The following EXOC6 variants were observed in gnomAD, a reference collection of about 807,000 sequenced individuals.
The protein encoded by EXOC6 is exocyst complex component 6, also known as SEC15-like 1.
In EXOC6, 60 loss-of-function variants were observed where a neutral mutation model predicts 112.5. The observed-to-expected ratio is 0.53, with a 90% CI of 0.43 to 0.66. The LOEUF (loss-of-function observed/expected upper bound fraction) is 0.66. Among genes scored for constraint, EXOC6 ranks in the 30% least tolerant of loss-of-function variants. EXOC6 has a pLI of 0.00. For synonymous variants in EXOC6, 295 were observed against 308.0 expected (o/e 0.96, Z 0.44); for missense variants, 855 against 957.1 (o/e 0.89, Z 1.41).
intron 14 of EXOC6, among the ~76,000 whole-genome samples, chr10:92,950,802 T>G (rs149071765): frequency 6.6e-6 from 1 of 152,320 alleles, no homozygotes; most frequent in Non-Finnish European, 1.5e-5. Flanking sequence ...GATTTGTGCT[T>G]TAGGAAGACC....
chr10:92,896,581 T>TGTA (rs928241218), intron 4 of EXOC6, among the ~76,000 whole-genome samples: 3 of 138,072 alleles, frequency 2.2e-5, no homozygotes, highest in Middle Eastern at 3.7e-3. Flanking sequence ...CTAAAAAAAT[T>TGTA]GTAGTATTAT....
chr10:93,031,510 CTTT>C (rs778524287), intron 20 of EXOC6, among the ~76,000 whole-genome samples: 3,411 of 129,786 alleles, frequency 0.026, 64 homozygotes, highest in African/African-American at 0.093. Flanking sequence ...TTCTTTCTTT[CTTT>C]TTTTTTTTTT....
At chr10:92,945,690 A>G (rs1336754530) in intron 13 of EXOC6, among the ~76,000 whole-genome samples, 1 of 152,116 alleles carries the variant, frequency 6.6e-6, no homozygotes, top group Non-Finnish European at 1.5e-5. Flanking sequence ...CTTTCCCTGT[A>G]ACTTGCCTTT....
rs1564809975 is a variant in EXOC6, at chr10:92,896,169, ATATATATATATATTTTTTTTTTTTT to A, written c.412+1151_412+1175del. ...TGTGTATATATATATATATATATATATATATATATATATTTTTTTTTTTTTTTTTTTTTTTTTTTTTTTTTTTTGG... is the reference window on the plus strand; with the variant it reads ...TGTGTATATATATATATATATATATATTTTTTTTTTTTTTTTTTTTTTTGG... On this transcript the variant is annotated intron_variant, in intron 4 of 21. Coordinates refer to ENST00000260762, the MANE Select transcript of EXOC6 (RefSeq NM_019053.6). Among the ~76,000 whole-genome samples the A allele has an allele frequency of 3.4e-3, 84 of 24,592 alleles. 6 individuals are homozygous for A. Among genetic ancestry groups the A allele is most frequent in the African/African-American group, 0.016 (79 of 4,854 alleles). 16.1% of individuals were successfully genotyped at this position (24,592 alleles called of 152,430 possible). A position where few individuals can be genotyped will look rare whatever the true frequency, so the allele number is the denominator to read the frequency against.
chr10:92,858,022 T>TCTCC (rs1847697751), intron 1 of EXOC6, among the ~76,000 whole-genome samples: 1 of 101,272 alleles, frequency 9.9e-6, no homozygotes. Flanking sequence ...GTTGACGGGT[T>TCTCC]CCCCCCCTCC....
chr10:92,994,757 A>G (rs945661799), intron 18 of EXOC6, among the ~76,000 whole-genome samples: 3 of 151,796 alleles, frequency 2.0e-5, no homozygotes, highest in Non-Finnish European at 1.5e-5. Context: ...TATATTATTA[A>G]AGGCATCAAT....
intron 18 of EXOC6, among the ~76,000 whole-genome samples, chr10:92,983,465 A>G (rs1051189707): frequency 6.8e-6 from 1 of 148,038 alleles, no homozygotes. Context: ...TGATTGTTAC[A>G]TTTTAAAATC....
upstream of EXOC6, among the ~76,000 whole-genome samples, chr10:92,832,607 G>A (rs1442190082): frequency 2.0e-5 from 3 of 151,954 alleles, no homozygotes; most frequent in African/African-American, 7.3e-5. Context: ...AGCATTATGG[G>A]GAATACAGAT....
Position 92,974,168 on chromosome 10 carries a change from G to A in EXOC6, c.1889G>A (p.Ser630Asn). 1 of 1,599,126 alleles carries A rather than the reference G, an allele frequency of 6.3e-7. No individual in the cohort carries two copies. Among genetic ancestry groups the A allele is most frequent in the Non-Finnish European group, 8.5e-7 (1 of 1,176,792 alleles). Residue 630 changes from serine (S) to asparagine (N), a missense_variant, in exon 18 of 22, where the codon AGT becomes AAT. Transcript: ENST00000260762. ...ATGTCTGAGCCAGATGGAAGAGCTA[G>A]TGGTTATTTAATGGACCTTATAAAT... Reference protein sequence around the residue: ...WTMSEPDGRASGYLMDLINFL... With the variant: ...WTMSEPDGRANGYLMDLINFL...
At chr10:92,924,001 TTTCTG>T (rs986917612) in intron 8 of EXOC6, among the ~76,000 whole-genome samples, 2 of 152,164 alleles carry the variant, frequency 1.3e-5, no homozygotes, top group East Asian at 3.8e-4. Flanking sequence ...TTTGCACAAA[TTTCTG>T]TTAAGGGTAA....
chr10:92,999,191 C>T (rs118100442), intron 19 of EXOC6: 11,988 of 402,426 alleles, frequency 0.03, 220 homozygotes, highest in Middle Eastern at 0.041. Context: ...ACAACAATAT[C>T]CCTAAGAAAC....
Position 92,919,404 on chromosome 10 carries a change from T to C in EXOC6, c.820-578T>C, listed in dbSNP as rs564749557. 7.9e-5 allele frequency among the ~76,000 whole-genome samples: 12 copies of C among 152,378 alleles called. No individual in the cohort carries two copies. In the South Asian group the frequency reaches 2.5e-3, roughly 32 times the overall value. On this transcript the variant is annotated intron_variant, in intron 7 of 21. Coordinates refer to ENST00000260762, the MANE Select transcript of EXOC6 (RefSeq NM_019053.6). ...TGTATTTCTCAAGTTTGAGAAACTT[T>C]ATAGTACTACATTTCATCAATTGTA...
chr10:92,914,048 C>T (rs1850947572), intron 6 of EXOC6, among the ~76,000 whole-genome samples: 1 of 152,194 alleles, frequency 6.6e-6, no homozygotes, highest in Non-Finnish European at 1.5e-5. Context: ...TCCTAGCCCC[C>T]AGGCCGTGGA....
intron 13 of EXOC6, among the ~76,000 whole-genome samples, chr10:92,942,439 CA>C (rs1276674885): frequency 2.6e-5 from 4 of 152,056 alleles, no homozygotes; most frequent in Non-Finnish European, 5.9e-5. Flanking sequence ...AGGTGATACA[CA>C]TCTAGTAAAA....
intron 16 of EXOC6, among the ~76,000 whole-genome samples, chr10:92,955,369 GGTGTGT>G (rs746305692): frequency 2.7e-5 from 4 of 147,352 alleles, no homozygotes; most frequent in Non-Finnish European, 4.5e-5. Context: ...TTAGACTCTT[GGTGTGT>G]GTGTGTGTGT....
chr10:93,037,900 C>G (rs905386047), intron 20 of EXOC6, among the ~76,000 whole-genome samples: 3 of 150,610 alleles, frequency 2.0e-5, no homozygotes, highest in Admixed American at 1.3e-4. Flanking sequence ...ATTAGCCGGG[C>G]GCGGTGGCGG....
chr10:92,916,959 TTTTC>T (rs963318599), intron 7 of EXOC6, among the ~76,000 whole-genome samples: 1 of 151,954 alleles, frequency 6.6e-6, no homozygotes, highest in Admixed American at 6.6e-5. Flanking sequence ...TAAATCTAAT[TTTTC>T]TTTCTTTTTT....
At chr10:93,003,968 G>C (rs562808632) in intron 19 of EXOC6, among the ~76,000 whole-genome samples, 1 of 152,268 alleles carries the variant, frequency 6.6e-6, no homozygotes, top group East Asian at 1.9e-4. Flanking sequence ...ACAAAATGGA[G>C]CTTTTTAATT....
chr10:92,959,714 C>T (rs1853881539), intron 17 of EXOC6, among the ~76,000 whole-genome samples: 1 of 152,142 alleles, frequency 6.6e-6, no homozygotes, highest in Non-Finnish European at 1.5e-5. Context: ...TTAACATATA[C>T]CTCAGCAAAG....
Sources: gnomAD v4.1 joint callset for allele counts (sites outside exome capture counted in the v4.1 genomes callset) on GRCh38, gnomAD v4.1.1 for gene constraint, MANE v1.5 for transcripts, NCBI Gene and HGNC (gene_info 2026-07-23, HGNC 2026-07-21) for gene names.